FAM161A: variants seen among roughly 807,000 people sequenced by gnomAD.
FAM161A encodes the protein FAM161 centrosomal protein A, also known as protein FAM161A.
In FAM161A, 57 loss-of-function variants were observed where a neutral mutation model predicts 70.9. That is an observed-to-expected ratio of 0.80 (90% CI 0.65 to 1.00). FAM161A has a LOEUF of 1.00. Among genes scored for constraint, FAM161A ranks in the 50% least tolerant of loss-of-function variants. The probability of loss-of-function intolerance (pLI) is 0.00; values close to 1 mark genes in which losing one functional copy is unlikely to be tolerated. For synonymous variants in FAM161A, 299 were observed against 295.7 expected, an observed-to-expected ratio of 1.01 and a Z score of -0.12; for missense variants, 880 against 836.0, an observed-to-expected ratio of 1.05 and a Z score of -0.65.
intron 5 of FAM161A, among the ~76,000 whole-genome samples, chr2:61,833,042 T>C (rs2105068939): frequency 6.6e-6 from 1 of 151,832 alleles, no homozygotes; most frequent in Non-Finnish European, 1.5e-5. Context: ...AGAATAATAA[T>C]GATACATACA....
At chr2:61,821,846 T>C (rs1051504594), downstream of FAM161A, among the ~76,000 whole-genome samples, 3 of 152,046 alleles carry the variant, frequency 2.0e-5, no homozygotes, top group African/African-American at 7.2e-5. Flanking sequence ...CTCAGCTCAC[T>C]GAAATCTCTG....
the FAM161A span, among the ~76,000 whole-genome samples, chr2:61,815,340 G>A: frequency 7.2e-5 from 11 of 152,162 alleles, no homozygotes; most frequent in East Asian, 2.1e-3. Context: ...GCTGTATGAT[G>A]GCGTGCTTGG....
intron 5 of FAM161A, among the ~76,000 whole-genome samples, chr2:61,833,829 C>T (rs565943003): frequency 9.2e-5 from 14 of 152,038 alleles, no homozygotes; most frequent in Non-Finnish European, 1.8e-4. Context: ...CAGGAGTTCA[C>T]GACCAGCCTG....
At chr2:61,808,958 C>T in the FAM161A span, among the ~76,000 whole-genome samples, 5 of 150,620 alleles carry the variant, frequency 3.3e-5, no homozygotes, top group African/African-American at 1.2e-4. Context: ...CTGCAACCTC[C>T]CCCTCCCAGG....
At chr2:61,804,139 G>A in the FAM161A span, among the ~76,000 whole-genome samples, 7 of 152,274 alleles carry the variant, frequency 4.6e-5, no homozygotes, top group East Asian at 7.7e-4. Context: ...ACTTCCTGAC[G>A]TTGCCATGGC....
In FAM161A at chr2:61,840,404, G is replaced by A. The variant is rs368327671; in HGVS notation, c.600C>T (p.Asn200=). 14 of 1,614,032 alleles carry A rather than the reference G, an allele frequency of 8.7e-6. No homozygotes were observed. The highest frequency in any genetic ancestry group is 4.0e-5 in the African/African-American group (3 of 75,004). Residue 200 remains asparagine (N), a synonymous_variant, in exon 3 of 7, where the codon AAC becomes AAT. Coordinates refer to ENST00000404929, the MANE Select transcript of FAM161A (RefSeq NM_001201543.2). The part of the protein sequence containing the change: ...RMMTYAKELI[N]NMWTDFCVED... ...CAACACAAAAGTCTGTCCACATATTGTTGATGAGCTCCTTAGCATAGGTCA... is the reference window on the plus strand; with the variant it reads ...CAACACAAAAGTCTGTCCACATATTATTGATGAGCTCCTTAGCATAGGTCA...
At chr2:61,846,904 G>C in intron 1 of FAM161A, 3 of 454,502 alleles carry the variant, frequency 6.6e-6, no homozygotes, top group South Asian at 4.7e-5. Context: ...GAATTGGCCA[G>C]GCACAGTGGT....
In FAM161A at chr2:61,839,913, G is replaced by A. The variant is rs371865292; in HGVS notation, c.1091C>T (p.Thr364Ile). 5.0e-6 allele frequency: 8 copies of A among 1,614,082 alleles called. No homozygotes were observed. The highest frequency in any genetic ancestry group is 1.7e-5 in the Admixed American group (1 of 59,990). ...RFKARPIPRS[T>I]YGSTTNDKLK... is the part of the protein sequence containing the mutation. ...CTTGTCATTGGTAGTTGAACCATAA[G>A]TAGATCGAGGAATGGGTCTGGCTTT... Residue 364 changes from threonine (T) to isoleucine (I), a missense_variant, in exon 3 of 7, where the codon ACT (threonine) becomes ATT (isoleucine). Thr to Ile is a moderately conservative substitution (Grantham distance 89). Coordinates refer to ENST00000404929, the MANE Select transcript of FAM161A (RefSeq NM_001201543.2).
the FAM161A span, among the ~76,000 whole-genome samples, chr2:61,815,859 T>C: frequency 6.6e-6 from 1 of 152,068 alleles, no homozygotes; most frequent in East Asian, 1.9e-4. Flanking sequence ...CCTCTCTCCC[T>C]ATGTTTTGTC....
intron 1 of FAM161A, among the ~76,000 whole-genome samples, chr2:61,843,792 T>C (rs1254457285): frequency 1.3e-5 from 2 of 152,138 alleles, no homozygotes; most frequent in African/African-American, 4.8e-5. Context: ...AAAATCAGCA[T>C]ACAAGAGGAC....
downstream of FAM161A, chr2:61,820,474 G>C: frequency 1.3e-6 from 1 of 755,480 alleles, no homozygotes; most frequent in Non-Finnish European, 2.4e-6. Context: ...TGTCTCAAGA[G>C]AAGGTTCTCA....
chr2:61,805,508 T>C, the FAM161A span, among the ~76,000 whole-genome samples: 1 of 152,142 alleles, frequency 6.6e-6, no homozygotes, highest in East Asian at 1.9e-4. Context: ...AGACCAAGAC[T>C]CCATCTCAAA....
At chr2:61,845,258 A>G (rs1263481060) in intron 1 of FAM161A, among the ~76,000 whole-genome samples, 2 of 152,150 alleles carry the variant, frequency 1.3e-5, no homozygotes, top group Non-Finnish European at 2.9e-5. Flanking sequence ...GAGAGATACA[A>G]AGACCAACTG....
intron 5 of FAM161A, among the ~76,000 whole-genome samples, chr2:61,832,994 G>A (rs1672638966): frequency 6.6e-6 from 1 of 152,112 alleles, no homozygotes; most frequent in African/African-American, 2.4e-5. Context: ...GTGTTTAACT[G>A]TTTGAGGGGG....
the FAM161A span, among the ~76,000 whole-genome samples, chr2:61,814,686 G>GC: frequency 6.6e-6 from 1 of 152,182 alleles, no homozygotes; most frequent in Non-Finnish European, 1.5e-5. Flanking sequence ...CTGCACTCCA[G>GC]CCTGGGCAGC....
Position 61,839,511 on chromosome 2 carries a change from G to A in FAM161A, c.1493C>T (p.Pro498Leu), listed in dbSNP as rs778830779. The change falls in exon 3 of 7, where the codon CCA (proline) becomes CTA (leucine). Residue 498 changes from proline (P) to leucine (L), a missense_variant. Physicochemically the swap from Pro to Leu is moderately conservative, Grantham distance 98 (BLOSUM62 -3). Coordinates refer to ENST00000404929, the MANE Select transcript of FAM161A (RefSeq NM_001201543.2). ...WPYLSPRRKS[P>L]VRCAGVNPVP... ...AGGGTTTACACCTGCACATCTTACT[G>A]GTGACTTACGCCTTGGAGACAAATA... is the stretch of plus-strand genomic sequence containing the variant. The A allele has an allele frequency of 6.2e-7, 1 of 1,614,142 alleles. No individual in the cohort carries two copies.
At chr2:61,813,590 G>GCA in the FAM161A span, among the ~76,000 whole-genome samples, 1 of 148,116 alleles carries the variant, frequency 6.8e-6, no homozygotes, top group African/African-American at 2.5e-5. Context: ...GTGGTGGCAT[G>GCA]CACCTGTGGT....
At chr2:61,805,192 G>A in the FAM161A span, among the ~76,000 whole-genome samples, 3 of 152,038 alleles carry the variant, frequency 2.0e-5, no homozygotes, top group East Asian at 1.9e-4. Context: ...GAGATGTCCC[G>A]CCTTTTTAGG....
chr2:61,820,711 T>G, downstream of FAM161A: 1 of 365,562 alleles, frequency 2.7e-6, no homozygotes, highest in South Asian at 4.0e-5. Context: ...ACTGAAATAT[T>G]TATACATGAA....
Sources: gnomAD v4.1 joint callset for allele counts (sites outside exome capture counted in the v4.1 genomes callset) on GRCh38, gnomAD v4.1.1 for gene constraint, MANE v1.5 for transcripts, NCBI Gene and HGNC (gene_info 2026-07-23, HGNC 2026-07-21) for gene names.